PCDHA9: variants seen among roughly 807,000 people sequenced by gnomAD.
PCDHA9 encodes the protein protocadherin alpha-9.
In PCDHA9, 62 loss-of-function variants were observed where a neutral mutation model predicts 62.0. The ratio of observed to expected loss-of-function variants is 1.00; its 90% confidence interval spans 0.81 to 1.23. PCDHA9 has a LOEUF of 1.23. PCDHA9 is among the 50% of genes most tolerant of loss of function. The pLI, the probability that PCDHA9 is intolerant of heterozygous loss-of-function variation, is 0.00. For missense variants in PCDHA9, 1,205 were observed against 1,249.8 expected (o/e 0.96, Z 0.54); for synonymous variants, 557 against 567.6 (o/e 0.98, Z 0.27).
rs1554213921 is a variant in PCDHA9 at position 140,941,202 on chromosome 5, C to CTTTCTTTCTTTCTTTCTTT, written c.2395-37747_2395-37746insTTTCTTTCTTTCTTTCTTT. ...TCCTGCTTCTTTTTTTTTCTTTCTT[C>CTTTCTTTCTTTCTTTCTTT]CTTTCTTTCTTCCTTTCTTTCTTTC... On this transcript the variant is annotated intron_variant, in intron 1 of 3. Coordinates refer to ENST00000532602, the MANE Select transcript of PCDHA9 (RefSeq NM_031857.2). Among the ~76,000 whole-genome samples the CTTTCTTTCTTTCTTTCTTT allele has an allele frequency of 8.2e-4, 101 of 122,784 alleles. 3 individuals carry two copies. Among genetic ancestry groups the CTTTCTTTCTTTCTTTCTTT allele is most frequent in the East Asian group, 3.5e-3 (16 of 4,514 alleles). The allele number at this position is 122,784 out of a possible 152,430, so 80.6% of individuals were successfully genotyped here. A position where few individuals can be genotyped will look rare whatever the true frequency, so the allele number is the denominator to read the frequency against.
intron 1 of PCDHA9, among the ~76,000 whole-genome samples, chr5:140,956,062 T>G (rs2153708941): frequency 6.6e-6 from 1 of 152,228 alleles, no homozygotes; most frequent in South Asian, 2.1e-4. Flanking sequence ...GACAATGGGG[T>G]TTTCCAGATA....
chr5:140,953,476 G>A (rs1554220931), intron 1 of PCDHA9, among the ~76,000 whole-genome samples: 2 of 152,088 alleles, frequency 1.3e-5, no homozygotes. Flanking sequence ...ACTTCCTCAT[G>A]CTGTGTCACA....
intron 3 of PCDHA9, among the ~76,000 whole-genome samples, chr5:140,987,826 G>T (rs1481540038): frequency 6.6e-6 from 1 of 152,014 alleles, no homozygotes; most frequent in Non-Finnish European, 1.5e-5. Flanking sequence ...TTTCCTTAGG[G>T]GATTGCTTTT....
chr5:140,929,471 G>C, intron 1 of PCDHA9: 1 of 1,293,428 alleles, frequency 7.7e-7, no homozygotes, highest in Non-Finnish European at 1.0e-6. Context: ...CAAGAAATCT[G>C]GAAGTATAGA....
chr5:140,989,949 G>A (rs551733184), intron 3 of PCDHA9, among the ~76,000 whole-genome samples: 3 of 152,064 alleles, frequency 2.0e-5, no homozygotes, highest in South Asian at 2.1e-4. Context: ...CGTTTTTCTC[G>A]GTGAGACCAA....
chr5:140,883,841 C>T (rs2059844881), intron 1 of PCDHA9: 1 of 1,612,742 alleles, frequency 6.2e-7, no homozygotes, highest in Non-Finnish European at 8.5e-7. Context: ...GCCGTTGGAC[C>T]ACGAGGAGCT....
chr5:140,855,887 C>A, intron 1 of PCDHA9: 1 of 985,610 alleles, frequency 1.0e-6, no homozygotes, highest in Non-Finnish European at 1.5e-6. Flanking sequence ...CTTTTTAGAA[C>A]AAAGGCATCA....
intron 1 of PCDHA9, among the ~76,000 whole-genome samples, chr5:140,959,004 C>G (rs1554223791): frequency 6.6e-6 from 1 of 151,642 alleles, no homozygotes; most frequent in African/African-American, 2.4e-5. Flanking sequence ...TTTACTGTAC[C>G]TAATTTATAC....
chr5:140,850,513 G>T lies in PCDHA9; in HGVS notation c.2018G>T (p.Gly673Val), dbSNP rs2150487190. ...ATVLVSLVES[G>V]QAPKSSSRAS... The stretch of plus-strand genomic sequence containing the variant: ...GTGCTGGTGTCGCTGGTGGAGAGCG[G>T]CCAGGCGCCAAAGTCATCGTCGCGG... The change falls in exon 1 of 4, where the codon GGC becomes GTC. Residue 673 changes from glycine (G) to valine (V), a missense_variant. Gly to Val is a moderately radical substitution (Grantham distance 109, BLOSUM62 -3). Around this residue, in one of 3 missense-constraint regions of PCDHA9, gnomAD observed 887 missense variants for 809.5 expected, o/e 1.10. Transcript: ENST00000532602. The T allele has an allele frequency of 3.1e-6, 5 of 1,598,108 alleles. No homozygotes were observed. In the East Asian group the frequency reaches 1.1e-4, roughly 36 times the overall value.
At chr5:140,928,932 G>T in intron 1 of PCDHA9, 5 of 1,614,108 alleles carry the variant, frequency 3.1e-6, no homozygotes, top group Non-Finnish European at 2.5e-6. Flanking sequence ...TTTCTGCCCA[G>T]AACTTGTATT....
chr5:141,008,300 C>G (rs1272725012), intron 3 of PCDHA9, among the ~76,000 whole-genome samples: 3 of 152,162 alleles, frequency 2.0e-5, no homozygotes, highest in African/African-American at 7.2e-5. Context: ...GTACCCAACC[C>G]TAAACTGTAA....
chr5:140,874,485 T>C (rs1235889322), intron 1 of PCDHA9, among the ~76,000 whole-genome samples: 1 of 152,218 alleles, frequency 6.6e-6, no homozygotes, highest in Non-Finnish European at 1.5e-5. Flanking sequence ...AAGCAAAAGG[T>C]TGATATCAAG....
intron 1 of PCDHA9, chr5:140,883,246 AAATATTCCAATGGCGGG>A: frequency 6.2e-7 from 1 of 1,614,082 alleles, no homozygotes; most frequent in Admixed American, 1.7e-5. Context: ...TTGACAAAGG[AAATATTCCAATGGCGGG>A]TCATTGTACC....
At chr5:140,966,709 G>T in intron 1 of PCDHA9, 2 of 1,387,174 alleles carry the variant, frequency 1.4e-6, no homozygotes, top group Non-Finnish European at 1.9e-6. Flanking sequence ...CGTGGGGCAC[G>T]GCTGGGGAAG....
At chr5:140,955,190 A>G (rs1269758289) in intron 1 of PCDHA9, among the ~76,000 whole-genome samples, 2 of 152,050 alleles carry the variant, frequency 1.3e-5, no homozygotes, top group Admixed American at 6.6e-5. Flanking sequence ...TGTGGTGTAT[A>G]TGAAGTCAAT....
At chr5:140,903,714 A>G (rs1159490924) in intron 1 of PCDHA9, among the ~76,000 whole-genome samples, 3 of 152,324 alleles carry the variant, frequency 2.0e-5, no homozygotes, top group African/African-American at 2.4e-5. Context: ...AAAATATACA[A>G]TTCTCCCTAT....
rs939986849 is a variant in PCDHA9, at chr5:140,871,330, G to T, written c.2394+20441G>T. 10 of 1,613,998 alleles carry T rather than the reference G, an allele frequency of 6.2e-6. No homozygotes were observed. Among genetic ancestry groups the T allele is most frequent in the Non-Finnish European group, 8.5e-6 (10 of 1,180,034 alleles). On this transcript the variant is annotated intron_variant, in intron 1 of 3. Transcript: ENST00000532602. The stretch of plus-strand genomic sequence containing the variant: ...GAAGCCCACGCTGGTGTGCTCCCGC[G>T]CGGTGGGGAGCTGGTCATACTCGCA...
intron 1 of PCDHA9, chr5:140,928,443 G>A: frequency 6.2e-7 from 1 of 1,614,184 alleles, no homozygotes. Context: ...ACTTTGAGCA[G>A]CTCAGGGGGT....
chr5:140,872,307 C>T (rs1329371918), intron 1 of PCDHA9, among the ~76,000 whole-genome samples: 2 of 152,046 alleles, frequency 1.3e-5, no homozygotes, highest in East Asian at 3.9e-4. Flanking sequence ...TTATATGCTG[C>T]TTTATGGAAA....
Sources: gnomAD v4.1 joint callset for allele counts (sites outside exome capture counted in the v4.1 genomes callset) on GRCh38, gnomAD v4.1.1 for gene constraint, gnomAD v4.1.1 regional missense constraint, MANE v1.5 for transcripts, NCBI Gene and HGNC (gene_info 2026-07-23, HGNC 2026-07-21) for gene names.